Variants in HERC1 observed in about 807,000 individuals in gnomAD.
HERC1 encodes the protein HECT and RLD domain containing E3 ubiquitin protein ligase family member 1.
Under a neutral mutation model 554.3 loss-of-function variants are expected in HERC1, and 160 were observed. The observed-to-expected ratio is 0.29, with a 90% CI of 0.25 to 0.33. HERC1 has a LOEUF of 0.33. Ranked by LOEUF, HERC1 falls within the 10% of genes least tolerant of loss-of-function variation. The probability of loss-of-function intolerance (pLI) is 1.00; values close to 1 mark genes in which losing one functional copy is unlikely to be tolerated. For synonymous variants in HERC1, 2,175 were observed against 2,131.7 expected (o/e 1.02, Z -0.56); for missense variants, 4,919 against 5,918.5 (o/e 0.83, Z 5.54).
Position 63,718,359 on chromosome 15 carries a change from T to A in HERC1, c.3978+215A>T. 4.5e-6 allele frequency: 2 copies of A among 444,508 alleles called. No homozygotes were observed. Among genetic ancestry groups the A allele is most frequent in the Non-Finnish European group, 7.9e-6 (2 of 251,852 alleles). 27.5% of individuals were successfully genotyped at this position (444,508 alleles called of 1,614,324 possible). A position where few individuals can be genotyped will look rare whatever the true frequency, so the allele number is the denominator to read the frequency against. On this transcript the variant is annotated intron_variant, in intron 21 of 77. Transcript: ENST00000443617. The surrounding 1 kb of genome is among the most constrained non-coding windows in gnomAD (Gnocchi z 4.2). ...TGTTATTAATATTTATGCAGCCAACTAAAGTTTCTTAGAACCAATATCACA... is the reference window on the plus strand; with the variant it reads ...TGTTATTAATATTTATGCAGCCAACAAAAGTTTCTTAGAACCAATATCACA...
chr15:63,643,256 T>C, intron 58 of HERC1, 148 bp downstream of exon 58: 1 of 866,598 alleles, frequency 1.2e-6, no homozygotes, highest in Non-Finnish European at 1.8e-6. Context: ...GTAAGAAAAA[T>C]GTAAGGGCAG....
chr15:63,753,032 C>T lies in HERC1; in HGVS notation c.1828G>A (p.Ala610Thr), dbSNP rs2075304331. 5 of 1,613,192 alleles carry T rather than the reference C, an allele frequency of 3.1e-6. No individual in the cohort carries two copies. The highest frequency in any genetic ancestry group is 4.2e-6 in the Non-Finnish European group (5 of 1,179,376). ...NRVYKPKVIEALQGMFIRKVC... is the reference protein window; with the variant it reads ...NRVYKPKVIETLQGMFIRKVC... ...TTGCGAATGAACATTCCTTGTAAAGCTTCAATAACTTTAGGTTTATACACT... is the reference window on the plus strand; with the variant it reads ...TTGCGAATGAACATTCCTTGTAAAGTTTCAATAACTTTAGGTTTATACACT... Residue 610 changes from alanine (A) to threonine (T), a missense_variant, in exon 8 of 78, where the codon GCT becomes ACT. Physicochemically the swap from Ala to Thr is moderately conservative, Grantham distance 58. This residue lies in a region of HERC1 where 744 missense variants were observed against 1,090.0 expected (regional missense o/e 0.68). Transcript: ENST00000443617.
At chr15:63,767,284 T>A (rs2142623060) in intron 2 of HERC1, among the ~76,000 whole-genome samples, 1 of 151,964 alleles carries the variant, frequency 6.6e-6, no homozygotes, top group East Asian at 2.0e-4. Context: ...ATTACAGGCG[T>A]GAGCCACCGC....
chr15:63,720,041 T>C (rs903960981), intron 19 of HERC1, among the ~76,000 whole-genome samples: 6 of 149,094 alleles, frequency 4.0e-5, no homozygotes, highest in African/African-American at 7.4e-5. Context: ...AATGAAGACA[T>C]GTAGTTGAAA....
rs1396441633 is a variant in HERC1 at position 63,680,325 on chromosome 15, T to C, written c.6466-165A>G. On this transcript the variant is annotated intron_variant, in intron 35 of 77. Coordinates refer to ENST00000443617, the MANE Select transcript of HERC1 (RefSeq NM_003922.4). This position sits in a 1 kb window ranked among gnomAD's most constrained non-coding sequence, Gnocchi z 5.8. The stretch of plus-strand genomic sequence containing the variant: ...CCGAGAAAATTCTACATATAATAAG[T>C]GATCATAATGTGTTCATCTGTTTCA... Among the ~76,000 whole-genome samples the C allele has an allele frequency of 6.6e-6, 1 of 152,136 alleles. No individual in the cohort carries two copies. The highest frequency in any genetic ancestry group is 6.5e-5 in the Admixed American group (1 of 15,280).
intron 50 of HERC1, among the ~76,000 whole-genome samples, chr15:63,655,109 T>C (rs2069950291): frequency 6.6e-6 from 1 of 151,980 alleles, no homozygotes; most frequent in South Asian, 2.1e-4. Flanking sequence ...ATCTGAGGAC[T>C]TTGGGAGGTC....
rs1248130691 is a variant in HERC1, at chr15:63,826,801, AAAAAAAAAAAAAAATAT to A, written c.-27+7009_-27+7025del. Among the ~76,000 whole-genome samples, 393 of 84,056 alleles carry A rather than the reference AAAAAAAAAAAAAAATAT, an allele frequency of 4.7e-3. 2 individuals are homozygous for A. Among genetic ancestry groups the A allele is most frequent in the African/African-American group, 0.017 (332 of 19,182 alleles). 55.1% of individuals were successfully genotyped at this position (84,056 alleles called of 152,430 possible). Reference sequence around the variant, plus strand: ...ATCTCTGGTAAAAAAAAAAAAAAAAAAAAAAAAAAAAAAATATATATATATATATATATATATATATA... The same window carrying A: ...ATCTCTGGTAAAAAAAAAAAAAAAAAATATATATATATATATATATATATA... On this transcript the variant is annotated intron_variant, in intron 1 of 77. Transcript: ENST00000443617.
intron 55 of HERC1, among the ~76,000 whole-genome samples, chr15:63,646,017 T>C (rs1457915967): frequency 2.0e-5 from 3 of 152,200 alleles, no homozygotes; most frequent in Non-Finnish European, 4.4e-5. Flanking sequence ...TGACTAATAA[T>C]CATTACAGTA....
At chr15:63,743,569 GTCTT>G (rs138766959) in intron 12 of HERC1, among the ~76,000 whole-genome samples, 4,921 of 152,176 alleles carry the variant, frequency 0.032, 262 homozygotes, top group African/African-American at 0.11. Context: ...AGCTCACTAA[GTCTT>G]TCTTCTGCCA....
rs1567176634 is a variant in HERC1, at chr15:63,833,793, G to GCACACACACA, written c.-27+33_-27+34insTGTGTGTGTG. ...CACACACACACACACACACACACAG[G>GCACACACACA]ACCAGGAGGACGGTAGATGATGCGT... On this transcript the variant is annotated intron_variant, in intron 1 of 77. Transcript: ENST00000443617. 376 of 146,320 alleles carry GCACACACACA rather than the reference G, an allele frequency of 2.6e-3. 6 individuals are homozygous for GCACACACACA. Among genetic ancestry groups the GCACACACACA allele is most frequent in the African/African-American group, 8.2e-3 (317 of 38,790 alleles). The allele number at this position is 146,320 out of a possible 1,614,324, so 9.1% of individuals were successfully genotyped here. A position where few individuals can be genotyped will look rare whatever the true frequency, so the allele number is the denominator to read the frequency against.
chr15:63,833,569 T>A (rs1427317082), intron 1 of HERC1, among the ~76,000 whole-genome samples: 1 of 151,698 alleles, frequency 6.6e-6, no homozygotes, highest in African/African-American at 2.4e-5. Flanking sequence ...GCTTCTACGC[T>A]GCTCCGAGGC....
At chr15:63,726,750 C>A (rs1236198135) in intron 17 of HERC1, among the ~76,000 whole-genome samples, 1 of 152,066 alleles carries the variant, frequency 6.6e-6, no homozygotes, top group Non-Finnish European at 1.5e-5. Context: ...TCTTCTAAAA[C>A]CTCAGGAAGA....
chr15:63,818,001 A>T (rs2077553411), intron 1 of HERC1, among the ~76,000 whole-genome samples: 3 of 152,166 alleles, frequency 2.0e-5, no homozygotes, highest in South Asian at 4.1e-4. Flanking sequence ...ATTTACTAAC[A>T]TCAAATTATA....
intron 34 of HERC1, among the ~76,000 whole-genome samples, chr15:63,683,101 A>C (rs2071562205): frequency 6.8e-6 from 1 of 146,212 alleles, no homozygotes; most frequent in African/African-American, 2.5e-5. Flanking sequence ...GTGCCACTGC[A>C]CTCCAGCCTG....
Position 63,686,490 on chromosome 15 carries a change from C to G in HERC1, c.6094G>C (p.Glu2032Gln). ...GCTTTCTCCGGGTCAAAGGATACTT[C>G]TTGGATAGGAAGATTCTCATCTTCT... Reference protein sequence around the residue: ...EEEDENLPIQEVSFDPEKAQC... With the variant: ...EEEDENLPIQQVSFDPEKAQC... Residue 2032 changes from glutamate (E) to glutamine (Q), a missense_variant, in exon 34 of 78, where the codon GAA becomes CAA. By Grantham distance (29) the Glu-to-Gln change is conservative. Transcript: ENST00000443617. 1.2e-6 allele frequency: 2 copies of G among 1,613,818 alleles called. No individual in the cohort carries two copies. Among genetic ancestry groups the G allele is most frequent in the Middle Eastern group, 1.7e-4 (1 of 6,058 alleles).
chr15:63,609,198 C>T lies in HERC1; in HGVS notation c.14469G>A (p.Gln4823=), dbSNP rs2067484418. ...FQLRLPPYSS[Q]LVMAERLRYA... Reference sequence around the variant, plus strand: ...AGCGCAGGCGCTCGGCCATGACCAGCTGGCTGGAGTACGGGGGCAGCCTCA... The same window carrying T: ...AGCGCAGGCGCTCGGCCATGACCAGTTGGCTGGAGTACGGGGGCAGCCTCA... The change falls in exon 78 of 78, where the codon CAG becomes CAA. Residue 4823 remains glutamine (Q), a synonymous_variant. Transcript: ENST00000443617. The T allele has an allele frequency of 6.2e-7, 1 of 1,613,714 alleles. No individual in the cohort carries two copies. The highest frequency in any genetic ancestry group is 1.1e-5 in the South Asian group (1 of 90,968).
At chr15:63,815,211 C>T (rs2077454962) in intron 1 of HERC1, among the ~76,000 whole-genome samples, 1 of 152,132 alleles carries the variant, frequency 6.6e-6, no homozygotes, top group Non-Finnish European at 1.5e-5. Flanking sequence ...ATGTCCGTTC[C>T]CTCCAAAAAG....
At position 63,780,716 on chromosome 15, in the gene HERC1, C is replaced by T. The variant is rs1408793245; in HGVS notation, c.-26-5067G>A. On this transcript the variant is annotated intron_variant, in intron 1 of 77. Coordinates refer to ENST00000443617, the MANE Select transcript of HERC1 (RefSeq NM_003922.4). ...CAGCCTGGGCAACACAATGAGACTC[C>T]GTTTCAAAAAAAAAAAGGTAAAACA... Among the ~76,000 whole-genome samples, 8 of 150,636 alleles carry T rather than the reference C, an allele frequency of 5.3e-5. No homozygotes were observed. The East Asian group carries it at 1.4e-3, about 26-fold the overall frequency.
chr15:63,813,836 G>A lies in HERC1; in HGVS notation c.-27+19991C>T, dbSNP rs182861457. Among the ~76,000 whole-genome samples the A allele has an allele frequency of 1.8e-4, 27 of 152,312 alleles. No homozygotes were observed. The East Asian group carries it at 5.0e-3, about 28-fold the overall frequency. On this transcript the variant is annotated intron_variant, in intron 1 of 77. Coordinates refer to ENST00000443617, the MANE Select transcript of HERC1 (RefSeq NM_003922.4). ...TAATCCCAGCACTTTGGGAGGCCGA[G>A]GCAGGTGGATCACCTGAGGTCAGGA...
Sources: allele counts gnomAD v4.1 joint callset (sites outside exome capture counted in the v4.1 genomes callset), GRCh38; gene constraint gnomAD v4.1.1; regional missense constraint gnomAD v4.1.1; non-coding constraint Gnocchi (gnomAD v3.1); transcripts MANE v1.5; gene names NCBI Gene and HGNC (gene_info 2026-07-23, HGNC 2026-07-21).